The following KCNIP4 variants were observed in gnomAD, a reference collection of about 807,000 sequenced individuals.
KCNIP4 encodes the protein potassium voltage-gated channel interacting protein 4, also known as Kv channel-interacting protein 4.
KCNIP4 carries 12 observed loss-of-function variants against 34.0 expected under a neutral mutation model. The observed-to-expected ratio is 0.35, with a 90% CI of 0.23 to 0.57. The LOEUF (loss-of-function observed/expected upper bound fraction) is 0.57. Among genes scored for constraint, KCNIP4 ranks in the 20% least tolerant of loss-of-function variants. The pLI is 0.83. For missense variants in KCNIP4, 238 were observed against 311.7 expected (o/e 0.76, Z 1.78); for synonymous variants, 124 against 102.2 (o/e 1.21, Z -1.29).
intron 1 of KCNIP4, among the ~76,000 whole-genome samples, chr4:21,256,461 G>C (rs1394597465): frequency 2.6e-5 from 4 of 151,254 alleles, no homozygotes; most frequent in Admixed American, 1.3e-4. Flanking sequence ...AAAAAGGCAG[G>C]CATGGTGCAC....
At chr4:20,804,070 C>T (rs990675057) in intron 3 of KCNIP4, among the ~76,000 whole-genome samples, 3 of 152,058 alleles carry the variant, frequency 2.0e-5, no homozygotes, top group African/African-American at 7.2e-5. Flanking sequence ...GATAGTAACT[C>T]AAGTGTAATA....
At chr4:21,188,479 A>AT (rs746395698) in intron 1 of KCNIP4, among the ~76,000 whole-genome samples, 29 of 152,274 alleles carry the variant, frequency 1.9e-4, no homozygotes, top group South Asian at 1.0e-3. Context: ...ATAATAATAT[A>AT]TTTAACATTT....
chr4:20,736,429 TTGTA>T (rs888774851), intron 5 of KCNIP4, among the ~76,000 whole-genome samples: 3 of 152,222 alleles, frequency 2.0e-5, no homozygotes, highest in Admixed American at 6.5e-5. Context: ...AACTAGTTGT[TTGTA>T]TGTATGAAAG....
At chr4:20,842,527 C>G (rs565728658) in intron 3 of KCNIP4, among the ~76,000 whole-genome samples, 2 of 117,260 alleles carry the variant, frequency 1.7e-5, no homozygotes, top group Non-Finnish European at 3.2e-5. Flanking sequence ...AGTAGATGTT[C>G]AAGAAATATT....
chr4:20,883,289 A>G (rs1724919834), intron 1 of KCNIP4, among the ~76,000 whole-genome samples: 1 of 152,188 alleles, frequency 6.6e-6, no homozygotes. Flanking sequence ...GAGATGTGAC[A>G]ATCTTTCCCA....
At chr4:21,319,672 C>T (rs1578072355) in intron 1 of KCNIP4, among the ~76,000 whole-genome samples, 1 of 152,280 alleles carries the variant, frequency 6.6e-6, no homozygotes, top group East Asian at 1.9e-4. Flanking sequence ...CAAGACCATC[C>T]AGTATATTCT....
chr4:20,863,830 A>G (rs1267562955), intron 2 of KCNIP4, among the ~76,000 whole-genome samples: 1 of 152,094 alleles, frequency 6.6e-6, no homozygotes, highest in Non-Finnish European at 1.5e-5. Flanking sequence ...ACAAACCTGC[A>G]CATGCACCCC....
chr4:21,232,864 G>A (rs1577928156), intron 1 of KCNIP4, among the ~76,000 whole-genome samples: 1 of 152,080 alleles, frequency 6.6e-6, no homozygotes, highest in Admixed American at 6.6e-5. Context: ...TATGAGATTT[G>A]GTGATAACAG....
chr4:21,098,682 G>A (rs1747672045), intron 1 of KCNIP4, among the ~76,000 whole-genome samples: 1 of 152,146 alleles, frequency 6.6e-6, no homozygotes, highest in Admixed American at 6.5e-5. Flanking sequence ...AATACACCTG[G>A]TCATTCAAGA....
At chr4:21,017,476 A>T (rs1298613028) in intron 1 of KCNIP4, among the ~76,000 whole-genome samples, 1 of 152,186 alleles carries the variant, frequency 6.6e-6, no homozygotes, top group Non-Finnish European at 1.5e-5. Flanking sequence ...TTTGCTGCGG[A>T]TAATGGCTTC....
At chr4:20,741,476 A>G (rs1013163514) in intron 5 of KCNIP4, among the ~76,000 whole-genome samples, 6 of 152,262 alleles carry the variant, frequency 3.9e-5, no homozygotes, top group Non-Finnish European at 7.3e-5. Flanking sequence ...ACCACTGGGT[A>G]GATAATGAAA....
intron 3 of KCNIP4, among the ~76,000 whole-genome samples, chr4:20,784,449 A>G (rs73802325): frequency 0.022 from 3,323 of 152,280 alleles, 95 homozygotes; most frequent in African/African-American, 0.065. Context: ...ACTGGGAAAT[A>G]ATATTCTTTA....
chr4:21,859,874 A>C (rs1055757615), intron 1 of KCNIP4, among the ~76,000 whole-genome samples: 3 of 151,764 alleles, frequency 2.0e-5, no homozygotes. Context: ...AAATAATAAC[A>C]ATTACAAAAA....
In KCNIP4 at chr4:21,349,908, A is replaced by C. The variant is rs187213830; in HGVS notation, c.62-467199T>G. On this transcript the variant is annotated intron_variant, in intron 1 of 8. Transcript: ENST00000382152. Reference sequence around the variant, plus strand: ...CCAAAGAGCTAGAGCAGCAGTTCTCAAACTTATGTTTCTGTGCTGATTTAC... The same window carrying C: ...CCAAAGAGCTAGAGCAGCAGTTCTCCAACTTATGTTTCTGTGCTGATTTAC... 1.4e-4 allele frequency among the ~76,000 whole-genome samples: 21 copies of C among 152,282 alleles called. No individual in the cohort carries two copies. The East Asian group carries it at 3.9e-3, about 28-fold the overall frequency.
chr4:21,007,374 T>A (rs1421018939), intron 1 of KCNIP4, among the ~76,000 whole-genome samples: 1 of 152,148 alleles, frequency 6.6e-6, no homozygotes, highest in African/African-American at 2.4e-5. Context: ...GTTCCAGGGT[T>A]TAGAAAAACT....
At position 20,968,889 on chromosome 4, in the gene KCNIP4, C is replaced by T. The variant is rs143395634; in HGVS notation, c.62-86180G>A. On this transcript the variant is annotated intron_variant, in intron 1 of 8. Coordinates refer to ENST00000382152, the MANE Select transcript of KCNIP4 (RefSeq NM_025221.6). ...CATGTATACCTACGTAACAAACCTG[C>T]ACGTTGTACACATGTACCCTAGAAC... Among the ~76,000 whole-genome samples the T allele has an allele frequency of 5.6e-3, 851 of 152,114 alleles. 9 individuals carry two copies. The highest frequency in any genetic ancestry group is 0.02 in the African/African-American group (809 of 41,480).
At chr4:21,127,382 C>T (rs1750712905) in intron 1 of KCNIP4, among the ~76,000 whole-genome samples, 2 of 152,150 alleles carry the variant, frequency 1.3e-5, no homozygotes, top group Admixed American at 6.5e-5. Flanking sequence ...TTGTGACAAC[C>T]CAAACACAGA....
intron 1 of KCNIP4, among the ~76,000 whole-genome samples, chr4:21,782,914 A>G (rs553018226): frequency 2.0e-5 from 3 of 152,294 alleles, no homozygotes; most frequent in East Asian, 3.9e-4. Flanking sequence ...AAAAAAGCCA[A>G]TCTCAAACAT....
At chr4:21,090,690 T>C (rs1423346219) in intron 1 of KCNIP4, among the ~76,000 whole-genome samples, 1 of 152,188 alleles carries the variant, frequency 6.6e-6, no homozygotes, top group Non-Finnish European at 1.5e-5. Flanking sequence ...TAAAAAGCTT[T>C]GAAAAAACTC....
Sources: allele counts gnomAD v4.1 joint callset (sites outside exome capture counted in the v4.1 genomes callset), GRCh38; gene constraint gnomAD v4.1.1; transcripts MANE v1.5; gene names NCBI Gene and HGNC (gene_info 2026-07-23, HGNC 2026-07-21).